NALF1: variants seen among roughly 807,000 people sequenced by gnomAD.
The protein encoded by NALF1 is family with sequence similarity 155 member A.
In NALF1, 3 loss-of-function variants were observed where a neutral mutation model predicts 48.4. The observed-to-expected ratio is 0.06, with a 90% CI of 0.03 to 0.16. The LOEUF is 0.16. Ranked by LOEUF, NALF1 falls within the 10% of genes least tolerant of loss-of-function variation. NALF1 has a pLI of 1.00. For missense variants in NALF1, 526 were observed against 571.5 expected (o/e 0.92, Z 0.81); for synonymous variants, 262 against 245.7 (o/e 1.07, Z -0.62).
At chr13:107,509,953 T>C (rs537462899) in intron 1 of NALF1, among the ~76,000 whole-genome samples, 2 of 152,136 alleles carry the variant, frequency 1.3e-5, no homozygotes, top group African/African-American at 2.4e-5. Context: ...ACCACAGGTA[T>C]GCGCCACCAT....
At chr13:107,506,497 T>A (rs1875699335) in intron 1 of NALF1, among the ~76,000 whole-genome samples, 1 of 152,140 alleles carries the variant, frequency 6.6e-6, no homozygotes, top group South Asian at 2.1e-4. Context: ...CAACACCACA[T>A]TCTAATTTTA....
chr13:107,649,475 G>T (rs1880393655), intron 1 of NALF1, among the ~76,000 whole-genome samples: 1 of 152,164 alleles, frequency 6.6e-6, no homozygotes, highest in Non-Finnish European at 1.5e-5. Context: ...TGTTTAAAAT[G>T]ATTGAATCAG....
chr13:107,686,977 T>A (rs2138500980), intron 1 of NALF1, among the ~76,000 whole-genome samples: 1 of 152,316 alleles, frequency 6.6e-6, no homozygotes, highest in South Asian at 2.1e-4. Context: ...AGAAATAGTT[T>A]TAATCAAAAA....
intron 1 of NALF1, among the ~76,000 whole-genome samples, chr13:107,635,812 T>C (rs965851708): frequency 5.3e-5 from 8 of 152,140 alleles, no homozygotes; most frequent in Non-Finnish European, 7.4e-5. Context: ...CACAACCTAC[T>C]AGTTGCACAG....
intron 1 of NALF1, among the ~76,000 whole-genome samples, chr13:107,634,939 G>A (rs1448219884): frequency 6.6e-6 from 1 of 152,078 alleles, no homozygotes. Flanking sequence ...CCCACAAGTA[G>A]GAGTATAAGA....
At chr13:107,685,194 A>C (rs1881405794) in intron 1 of NALF1, among the ~76,000 whole-genome samples, 2 of 152,122 alleles carry the variant, frequency 1.3e-5, no homozygotes, top group African/African-American at 4.8e-5. Flanking sequence ...CACACCTGTA[A>C]TCCTAGCTAC....
At chr13:107,388,987 G>A (rs922161371) in intron 1 of NALF1, among the ~76,000 whole-genome samples, 1 of 152,196 alleles carries the variant, frequency 6.6e-6, no homozygotes. Context: ...ATAGAAGGAC[G>A]TGTCAGCAGA....
intron 1 of NALF1, among the ~76,000 whole-genome samples, chr13:107,249,027 AAC>A (rs1880641606): frequency 1.3e-5 from 2 of 151,930 alleles, no homozygotes; most frequent in African/African-American, 4.8e-5. Flanking sequence ...TACTAAAAAA[AAC>A]AGTAATGACA....
intron 1 of NALF1, among the ~76,000 whole-genome samples, chr13:107,781,583 T>C (rs1877889762): frequency 6.6e-6 from 1 of 151,872 alleles, no homozygotes; most frequent in Non-Finnish European, 1.5e-5. Context: ...AGCTTGATGT[T>C]TGGTCAAATC....
chr13:107,423,264 T>A (rs1008128948), intron 1 of NALF1, among the ~76,000 whole-genome samples: 4 of 152,180 alleles, frequency 2.6e-5, no homozygotes, highest in African/African-American at 9.7e-5. Flanking sequence ...TAGTGACAGC[T>A]ATTAGCACAG....
chr13:107,855,784 C>T (rs1880427649), intron 1 of NALF1, among the ~76,000 whole-genome samples: 1 of 152,122 alleles, frequency 6.6e-6, no homozygotes, highest in Non-Finnish European at 1.5e-5. Context: ...TCTTAATTAC[C>T]GCTTTGATAA....
intron 1 of NALF1, among the ~76,000 whole-genome samples, chr13:107,341,043 C>A (rs550788036): frequency 1.7e-4 from 26 of 152,136 alleles, no homozygotes; most frequent in Admixed American, 1.3e-3. Context: ...TATCACCCCC[C>A]ACCGCCCCCG....
chr13:107,552,472 G>C (rs1877322966), intron 1 of NALF1, among the ~76,000 whole-genome samples: 3 of 152,094 alleles, frequency 2.0e-5, no homozygotes, highest in African/African-American at 7.2e-5. Flanking sequence ...CTTTACAGGG[G>C]AGAATGTGGT....
intron 1 of NALF1, among the ~76,000 whole-genome samples, chr13:107,783,886 A>G (rs1210090117): frequency 6.6e-6 from 1 of 151,866 alleles, no homozygotes; most frequent in Non-Finnish European, 1.5e-5. Context: ...AAAAAAAAAA[A>G]AAAAGAAAAT....
chr13:107,857,942 G>T (rs1594317708), intron 1 of NALF1, among the ~76,000 whole-genome samples: 1 of 152,228 alleles, frequency 6.6e-6, no homozygotes, highest in East Asian at 1.9e-4. Context: ...CAGACTAAAA[G>T]ACTCTGCCAT....
At chr13:107,812,695 G>T (rs1435350463) in intron 1 of NALF1, among the ~76,000 whole-genome samples, 1 of 152,094 alleles carries the variant, frequency 6.6e-6, no homozygotes, top group Non-Finnish European at 1.5e-5. Context: ...CATGGAGTCT[G>T]TTTTCAAACA....
chr13:107,612,999 T>TG (rs1879277393), intron 1 of NALF1, among the ~76,000 whole-genome samples: 1 of 119,528 alleles, frequency 8.4e-6, no homozygotes. Context: ...TTTCCCACAA[T>TG]GAGAAAAAAA....
At chr13:107,780,403 T>A (rs1460452365) in intron 1 of NALF1, among the ~76,000 whole-genome samples, 3 of 152,174 alleles carry the variant, frequency 2.0e-5, no homozygotes, top group Admixed American at 6.5e-5. Context: ...TGCTCAATTT[T>A]AAGTTTCTGA....
intron 1 of NALF1, among the ~76,000 whole-genome samples, chr13:107,341,880 A>AACAC (rs57041785): frequency 0.016 from 2,398 of 146,754 alleles, 41 homozygotes; most frequent in African/African-American, 0.044. Flanking sequence ...TGCACATGCA[A>AACAC]ACACACACAC....
Sources: gnomAD v4.1 joint callset for allele counts (sites outside exome capture counted in the v4.1 genomes callset) on GRCh38, gnomAD v4.1.1 for gene constraint, MANE v1.5 for transcripts, NCBI Gene and HGNC (gene_info 2026-07-23, HGNC 2026-07-21) for gene names.